FSTL5: variants seen among roughly 807,000 people sequenced by gnomAD.
The protein encoded by FSTL5 is follistatin-related protein 5.
Under a neutral mutation model 89.1 loss-of-function variants are expected in FSTL5, and 62 were observed. That is an observed-to-expected ratio of 0.70 (90% CI 0.57 to 0.86). The LOEUF is 0.86. Ranked by LOEUF, FSTL5 falls within the 40% of genes least tolerant of loss-of-function variation. The pLI, the probability that FSTL5 is intolerant of heterozygous loss-of-function variation, is 0.00. For missense variants in FSTL5, 1,057 were observed against 1,001.6 expected, an observed-to-expected ratio of 1.06 and a Z score of -0.75; for synonymous variants, 383 against 346.2, an observed-to-expected ratio of 1.11 and a Z score of -1.18.
At chr4:162,065,272 A>G (rs145136867) in intron 2 of FSTL5, among the ~76,000 whole-genome samples, 3 of 152,098 alleles carry the variant, frequency 2.0e-5, no homozygotes, top group Non-Finnish European at 4.4e-5. Flanking sequence ...CAACCTATAT[A>G]ATGGGTGAAA....
At chr4:161,716,242 C>T (rs1738976646) in intron 6 of FSTL5, among the ~76,000 whole-genome samples, 1 of 152,158 alleles carries the variant, frequency 6.6e-6, no homozygotes, top group African/African-American at 2.4e-5. Context: ...GCTTCTTTCA[C>T]AGCATTCAAC....
chr4:161,748,800 A>G (rs1277512497), intron 6 of FSTL5, among the ~76,000 whole-genome samples: 3 of 152,128 alleles, frequency 2.0e-5, no homozygotes, highest in Non-Finnish European at 4.4e-5. Flanking sequence ...ATGACCATCA[A>G]TAAGGGCATT....
chr4:161,384,098 A>AT lies in FSTL5; in HGVS notation c.*1648dup, dbSNP rs1730529890. On this transcript the variant is annotated 3_prime_UTR_variant, in exon 16 of 16. Transcript: ENST00000306100. ...ATTCAATAAGTAGAAACATAAGCTG[A>AT]TTTTTGTTGTTTATTAAATCTACCT... The AT allele has an allele frequency of 6.6e-6, 1 of 152,176 alleles. No homozygotes were observed. The highest frequency in any genetic ancestry group is 1.5e-5 in the Non-Finnish European group (1 of 68,010). 9.4% of individuals were successfully genotyped at this position (152,176 alleles called of 1,614,324 possible). A position where few individuals can be genotyped will look rare whatever the true frequency, so the allele number is the denominator to read the frequency against.
rs142460925 is a variant in FSTL5, at chr4:161,426,221, G to A, written c.1841+28783C>T. 4.0e-3 allele frequency among the ~76,000 whole-genome samples: 612 copies of A among 152,140 alleles called. 8 individuals are homozygous for A. The highest frequency in any genetic ancestry group is 0.02 in the Admixed American group (306 of 15,288). ...AAATAACACTTATTTAACAATAACT[G>A]TTTGCTCGTTATTGCACTGTGTGAA... On this transcript the variant is annotated intron_variant, in intron 15 of 15. Coordinates refer to ENST00000306100, the MANE Select transcript of FSTL5 (RefSeq NM_020116.5).
intron 7 of FSTL5, among the ~76,000 whole-genome samples, chr4:161,617,414 C>G (rs1385394126): frequency 1.3e-5 from 2 of 151,890 alleles, no homozygotes; most frequent in African/African-American, 4.8e-5. Context: ...GTGACAAAAC[C>G]TATGCAATTA....
At chr4:162,077,698 A>G (rs1729924239) in intron 2 of FSTL5, among the ~76,000 whole-genome samples, 1 of 151,830 alleles carries the variant, frequency 6.6e-6, no homozygotes, top group South Asian at 2.1e-4. Context: ...TTTAGATTAG[A>G]CCATAGTTAT....
At chr4:161,661,827 T>C (rs1391350334) in intron 6 of FSTL5, among the ~76,000 whole-genome samples, 1 of 152,204 alleles carries the variant, frequency 6.6e-6, no homozygotes, top group Non-Finnish European at 1.5e-5. Flanking sequence ...TAAATTGGAC[T>C]AATACATTCA....
chr4:161,833,869 T>A (rs1299367455), intron 4 of FSTL5, among the ~76,000 whole-genome samples: 1 of 151,996 alleles, frequency 6.6e-6, no homozygotes, highest in Non-Finnish European at 1.5e-5. Flanking sequence ...TTGGAGCATT[T>A]AGTCCATTTA....
rs446633 is a variant in FSTL5 at position 161,848,309 on chromosome 4, G to T, written c.409+72095C>A. Among the ~76,000 whole-genome samples the T allele has an allele frequency of 2.4e-3, 362 of 152,052 alleles. 1 individual carries two copies. Among genetic ancestry groups the T allele is most frequent in the African/African-American group, 8.3e-3 (343 of 41,514 alleles). ...ATAACTTTCAGGAGGCTGATTTCTTGATTATTTTAGCTTTGATTTAGGAGA... is the reference window on the plus strand; with the variant it reads ...ATAACTTTCAGGAGGCTGATTTCTTTATTATTTTAGCTTTGATTTAGGAGA... On this transcript the variant is annotated intron_variant, in intron 4 of 15. Transcript: ENST00000306100.
chr4:162,097,320 A>G (rs1730804434), intron 2 of FSTL5, among the ~76,000 whole-genome samples: 1 of 151,694 alleles, frequency 6.6e-6, no homozygotes, highest in Non-Finnish European at 1.5e-5. Context: ...GTGTATATAT[A>G]TGTGTGTATA....
intron 4 of FSTL5, among the ~76,000 whole-genome samples, chr4:161,779,272 A>G (rs1288545690): frequency 6.6e-6 from 1 of 152,350 alleles, no homozygotes; most frequent in East Asian, 1.9e-4. Context: ...CAAATAAAAT[A>G]ACCAAAAAAA....
chr4:161,887,364 ATC>A (rs944572208), intron 4 of FSTL5, among the ~76,000 whole-genome samples: 14 of 150,462 alleles, frequency 9.3e-5, no homozygotes, highest in African/African-American at 3.0e-4. Flanking sequence ...TTGTTTCTGA[ATC>A]TCTGTTTTGT....
chr4:161,634,285 G>T (rs1273523001), intron 7 of FSTL5, among the ~76,000 whole-genome samples: 1 of 152,168 alleles, frequency 6.6e-6, no homozygotes, highest in African/African-American at 2.4e-5. Flanking sequence ...GAAAGGGAGA[G>T]ACATTATTTA....
At chr4:161,789,213 G>T in intron 4 of FSTL5, among the ~76,000 whole-genome samples, 1 of 151,186 alleles carries the variant, frequency 6.6e-6, no homozygotes, top group African/African-American at 2.4e-5. Context: ...AATAAAATAT[G>T]GTAACTTATG....
chr4:161,393,051 C>T (rs896591202), intron 15 of FSTL5, among the ~76,000 whole-genome samples: 3 of 151,902 alleles, frequency 2.0e-5, no homozygotes, highest in Non-Finnish European at 4.4e-5. Flanking sequence ...GTAGTCCCAG[C>T]TACTTGGGAG....
At chr4:161,560,572 TTC>T (rs2126569965) in intron 8 of FSTL5, among the ~76,000 whole-genome samples, 1 of 151,940 alleles carries the variant, frequency 6.6e-6, no homozygotes, top group Admixed American at 6.6e-5. Context: ...AAGATTTTTT[TTC>T]TGTTTATACA....
chr4:161,708,707 G>T (rs948925409), intron 6 of FSTL5, among the ~76,000 whole-genome samples: 2 of 151,792 alleles, frequency 1.3e-5, no homozygotes, highest in Non-Finnish European at 2.9e-5. Flanking sequence ...CCCATTTCTA[G>T]TGAATATACA....
rs977439973 is a variant in FSTL5 at position 161,646,659 on chromosome 4, A to G, written c.894+9669T>C. On this transcript the variant is annotated intron_variant, in intron 7 of 15. Coordinates refer to ENST00000306100, the MANE Select transcript of FSTL5 (RefSeq NM_020116.5). The stretch of plus-strand genomic sequence containing the variant: ...GGCAAGCTGCCACACCTGCAATTGA[A>G]TTCTGGTTGAATTAAAATTATAATT... 2.6e-5 allele frequency among the ~76,000 whole-genome samples: 4 copies of G among 152,238 alleles called. No individual in the cohort carries two copies. In the East Asian group the frequency reaches 7.7e-4, roughly 29 times the overall value.
chr4:161,894,032 G>C (rs905457291), intron 4 of FSTL5, among the ~76,000 whole-genome samples: 1 of 152,064 alleles, frequency 6.6e-6, no homozygotes, highest in Non-Finnish European at 1.5e-5. Flanking sequence ...AATTTATATA[G>C]GTTGTTTTAT....
Sources: gnomAD v4.1 joint callset for allele counts (sites outside exome capture counted in the v4.1 genomes callset) on GRCh38, gnomAD v4.1.1 for gene constraint, MANE v1.5 for transcripts, NCBI Gene and HGNC (gene_info 2026-07-23, HGNC 2026-07-21) for gene names.